Variants in BBS9 observed in about 807,000 individuals in gnomAD.
BBS9 encodes protein PTHB1.
In BBS9, 89 loss-of-function variants were observed where a neutral mutation model predicts 117.7. The observed-to-expected ratio is 0.76, with a 90% CI of 0.64 to 0.90. The LOEUF is 0.90. Ranked by LOEUF, BBS9 falls within the 40% of genes least tolerant of loss-of-function variation. The pLI, the probability that BBS9 is intolerant of heterozygous loss-of-function variation, is 0.00. For missense variants in BBS9, 982 were observed against 1,042.2 expected, an observed-to-expected ratio of 0.94 and a Z score of 0.80; for synonymous variants, 379 against 370.9, an observed-to-expected ratio of 1.02 and a Z score of -0.25.
intron 21 of BBS9, among the ~76,000 whole-genome samples, chr7:33,601,001 G>A (rs559660922): frequency 1.8e-3 from 271 of 152,262 alleles, no homozygotes; most frequent in African/African-American, 6.4e-3. Flanking sequence ...AGGTGAGGAG[G>A]CACAAAATGA....
chr7:33,247,868 T>G (rs974351890), intron 5 of BBS9, among the ~76,000 whole-genome samples: 2 of 152,212 alleles, frequency 1.3e-5, no homozygotes, highest in African/African-American at 4.8e-5. Context: ...GGCCTTCTTT[T>G]AAACTCTAAA....
intron 9 of BBS9, among the ~76,000 whole-genome samples, chr7:33,314,879 T>A (rs1006984458): frequency 1.3e-5 from 2 of 152,216 alleles, no homozygotes; most frequent in Non-Finnish European, 2.9e-5. Flanking sequence ...ATGTATTTTA[T>A]CTGAAGATAG....
chr7:33,331,366 A>G (rs1056695799), intron 9 of BBS9, among the ~76,000 whole-genome samples: 1 of 152,234 alleles, frequency 6.6e-6, no homozygotes, highest in African/African-American at 2.4e-5. Flanking sequence ...GGATAAGACA[A>G]GGATGTCCAC....
At chr7:33,186,932 A>C (rs1783232986) in intron 5 of BBS9, among the ~76,000 whole-genome samples, 1 of 152,236 alleles carries the variant, frequency 6.6e-6, no homozygotes, top group Non-Finnish European at 1.5e-5. Flanking sequence ...TTGAAAAGGT[A>C]GATTTTAATA....
intron 5 of BBS9, among the ~76,000 whole-genome samples, chr7:33,243,803 A>G (rs1794909158): frequency 6.6e-6 from 1 of 152,222 alleles, no homozygotes; most frequent in East Asian, 1.9e-4. Context: ...AATGTAAGTA[A>G]GTTAAAGCTA....
At chr7:33,261,695 G>A (rs1798006848) in intron 6 of BBS9, among the ~76,000 whole-genome samples, 1 of 152,198 alleles carries the variant, frequency 6.6e-6, no homozygotes, top group Non-Finnish European at 1.5e-5. Context: ...TTTTTACAAA[G>A]CAATTTGGAA....
At chr7:33,612,475 G>C (rs1346496386) in intron 21 of BBS9, among the ~76,000 whole-genome samples, 2 of 151,926 alleles carry the variant, frequency 1.3e-5, no homozygotes, top group Non-Finnish European at 2.9e-5. Context: ...ATCTGGATCT[G>C]GTCCTCCCTT....
chr7:33,277,331 A>AT (rs1412617514), intron 9 of BBS9, among the ~76,000 whole-genome samples: 1 of 152,122 alleles, frequency 6.6e-6, no homozygotes, highest in Non-Finnish European at 1.5e-5. Flanking sequence ...AGAGCCCCAT[A>AT]TTTTTTATCT....
chr7:33,197,405 A>G (rs1785119366), intron 5 of BBS9, among the ~76,000 whole-genome samples: 1 of 152,086 alleles, frequency 6.6e-6, no homozygotes. Flanking sequence ...CATCTACACA[A>G]CACATTGCCA....
chr7:33,382,563 T>C (rs901284793), intron 17 of BBS9, among the ~76,000 whole-genome samples: 1 of 152,168 alleles, frequency 6.6e-6, no homozygotes, highest in Non-Finnish European at 1.5e-5. Context: ...AAGTGCCTAG[T>C]GAACTGTAGA....
intron 9 of BBS9, among the ~76,000 whole-genome samples, chr7:33,329,038 G>T (rs1353014535): frequency 1.9e-5 from 2 of 105,062 alleles, no homozygotes; most frequent in Admixed American, 1.1e-4. Context: ...TGTTTATTTA[G>T]AAACGGAGTT....
intron 19 of BBS9, among the ~76,000 whole-genome samples, chr7:33,483,589 A>G (rs1465749514): frequency 1.3e-5 from 2 of 151,828 alleles, no homozygotes; most frequent in East Asian, 3.9e-4. Flanking sequence ...GTATCACGTG[A>G]TATTTTATAT....
At chr7:33,244,746 A>G (rs1795073711) in intron 5 of BBS9, among the ~76,000 whole-genome samples, 1 of 152,200 alleles carries the variant, frequency 6.6e-6, no homozygotes, top group Admixed American at 6.5e-5. Flanking sequence ...GAAATTAAAC[A>G]AAGTACCCAA....
chr7:33,479,083 T>C (rs996730282), intron 19 of BBS9, among the ~76,000 whole-genome samples: 1 of 152,158 alleles, frequency 6.6e-6, no homozygotes, highest in Non-Finnish European at 1.5e-5. Flanking sequence ...TGAATATTTC[T>C]TTTTTTCTTT....
chr7:33,314,860 G>GTAGGATT (rs1032364154), intron 9 of BBS9, among the ~76,000 whole-genome samples: 4 of 152,186 alleles, frequency 2.6e-5, no homozygotes, highest in Non-Finnish European at 5.9e-5. Flanking sequence ...GGTTATAAAG[G>GTAGGATT]TAGGAGTGAT....
Position 33,605,382 on chromosome 7 carries a change from T to TA in BBS9, c.*157dup. ...CATAGAAAGAGGGGTTGGGACTTTT[T>TA]ACTTCACTAGGAGAACTTGTAACAC... is the stretch of plus-strand genomic sequence containing the variant. On this transcript the variant is annotated 3_prime_UTR_variant, in exon 23 of 23. Coordinates refer to ENST00000242067, the MANE Select transcript of BBS9 (RefSeq NM_198428.3). 1 of 774,386 alleles carries TA rather than the reference T, an allele frequency of 1.3e-6. No homozygotes were observed. The allele number at this position is 774,386 out of a possible 1,614,324, so 48.0% of individuals were successfully genotyped here. A position where few individuals can be genotyped will look rare whatever the true frequency, so the allele number is the denominator to read the frequency against.
intron 21 of BBS9, among the ~76,000 whole-genome samples, chr7:33,534,977 G>A (rs1213284198): frequency 6.6e-6 from 1 of 152,084 alleles, no homozygotes; most frequent in Non-Finnish European, 1.5e-5. Flanking sequence ...CTTCTTACAT[G>A]CCTTTTCTTT....
At chr7:33,484,708 G>T (rs1842872517) in intron 19 of BBS9, among the ~76,000 whole-genome samples, 1 of 152,198 alleles carries the variant, frequency 6.6e-6, no homozygotes, top group Non-Finnish European at 1.5e-5. Context: ...GTGTAAATTA[G>T]TTCAACCATT....
At chr7:33,495,131 T>C (rs1844537652) in intron 19 of BBS9, among the ~76,000 whole-genome samples, 1 of 152,182 alleles carries the variant, frequency 6.6e-6, no homozygotes, top group East Asian at 1.9e-4. Context: ...CCTCAACAAT[T>C]TCACTCTATT....
Sources: allele counts gnomAD v4.1 joint callset (sites outside exome capture counted in the v4.1 genomes callset), GRCh38; gene constraint gnomAD v4.1.1; transcripts MANE v1.5; gene names NCBI Gene and HGNC (gene_info 2026-07-23, HGNC 2026-07-21).